The following EFCAB6 variants were observed in gnomAD, a reference collection of about 807,000 sequenced individuals.
EFCAB6 encodes the protein EF-hand calcium-binding domain-containing protein 6.
In EFCAB6, 156 loss-of-function variants were observed where a neutral mutation model predicts 169.8. The ratio of observed to expected loss-of-function variants is 0.92; its 90% CI spans 0.81 to 1.05. The LOEUF is 1.05. Ranked by LOEUF, EFCAB6 falls within the 50% of genes least tolerant of loss-of-function variation. EFCAB6 has a pLI of 0.00. For synonymous variants in EFCAB6, 698 were observed against 676.4 expected (o/e 1.03, Z -0.50); for missense variants, 1,800 against 1,829.1 (o/e 0.98, Z 0.29).
intron 20 of EFCAB6, among the ~76,000 whole-genome samples, chr22:43,622,222 T>G (rs60708343): frequency 0.015 from 2,232 of 152,304 alleles, 54 homozygotes; most frequent in African/African-American, 0.051. Context: ...TTCATGACTT[T>G]TATTATTCTT....
intron 11 of EFCAB6, among the ~76,000 whole-genome samples, chr22:43,686,476 A>G (rs1857069778): frequency 6.6e-6 from 1 of 152,186 alleles, no homozygotes; most frequent in South Asian, 2.1e-4. Context: ...AATTGTCCCC[A>G]TTTAAGAACC....
chr22:43,773,255 T>C, intron 3 of EFCAB6, 152 bp from the exon 4 acceptor site: 1 of 752,714 alleles, frequency 1.3e-6, no homozygotes, highest in Non-Finnish European at 2.1e-6. Flanking sequence ...AGATGACTTG[T>C]AATGAAAAAT....
intron 6 of EFCAB6, among the ~76,000 whole-genome samples, chr22:43,751,304 G>A (rs1000937924): frequency 2.0e-5 from 3 of 152,164 alleles, no homozygotes; most frequent in African/African-American, 7.2e-5. Context: ...GGCTTACAAT[G>A]AGCCCTCACC....
At chr22:43,575,589 A>G (rs2050199195) in intron 26 of EFCAB6, among the ~76,000 whole-genome samples, 1 of 152,154 alleles carries the variant, frequency 6.6e-6, no homozygotes, top group Non-Finnish European at 1.5e-5. Flanking sequence ...AAATAAGTGC[A>G]GATACAACAT....
rs376157648 is a variant in EFCAB6, at chr22:43,754,580, T to C, written c.507+1186A>G. Among the ~76,000 whole-genome samples, 4 of 152,258 alleles carry C rather than the reference T, an allele frequency of 2.6e-5. No individual in the cohort carries two copies. The East Asian group carries it at 5.8e-4, about 22-fold the overall frequency. On this transcript the variant is annotated intron_variant, in intron 6 of 31. Transcript: ENST00000262726. ...TTTCAACTCTTAGCAGGGGGTTCCA[T>C]GGGGAGGAGGATGGGATAAAAAATT...
intron 10 of EFCAB6, among the ~76,000 whole-genome samples, chr22:43,692,307 T>C (rs558536070): frequency 2.0e-5 from 3 of 152,112 alleles, no homozygotes; most frequent in Admixed American, 6.5e-5. Flanking sequence ...ATTTAGAGTC[T>C]CCACAATTTA....
In EFCAB6 at chr22:43,667,287, A is replaced by G; in HGVS notation, c.1815-15T>C. 6.2e-7 allele frequency: 1 copy of G among 1,612,576 alleles called. No homozygotes were observed. Among genetic ancestry groups the G allele is most frequent in the Non-Finnish European group, 8.5e-7 (1 of 1,179,160 alleles). ...TGAGCTTGGTTCTAAAATCACAAGC[A>G]GGCATTTAGACCCAGTGTCAACTGA... is the stretch of plus-strand genomic sequence containing the variant. On this transcript the variant is annotated splice_polypyrimidine_tract_variant and intron_variant, in intron 16 of 31. Transcript: ENST00000262726.
intron 31 of EFCAB6, 106 bp from the exon 32 acceptor site, chr22:43,529,081 C>A: frequency 7.7e-7 from 1 of 1,302,062 alleles, no homozygotes; most frequent in Non-Finnish European, 1.0e-6. Flanking sequence ...ATCCCCAACC[C>A]CACTTCCGAT....
intron 16 of EFCAB6, 105 bp from the exon 17 acceptor site, chr22:43,667,377 T>G (rs1375891164): frequency 1.4e-6 from 2 of 1,393,292 alleles, no homozygotes; most frequent in East Asian, 4.6e-5. Context: ...TAAGAAGGTT[T>G]CCCATCCTCG....
In EFCAB6 at chr22:43,687,521, C is replaced by T. The variant is rs775830491; in HGVS notation, c.1092G>A (p.Glu364=). Residue 364 remains glutamate (E), a synonymous_variant, in exon 11 of 32, where the codon GAG becomes GAA. Transcript: ENST00000262726. ...TACTGCTAACTTGCAACCCCTGAGG[C>T]TCATGAAATGATGTTAGAAATTGCT... ...NWKQFLTSFH[E]PQGLQVSSKG... is the part of the protein sequence containing the mutation. The T allele has an allele frequency of 6.2e-7, 1 of 1,601,020 alleles. No homozygotes were observed. Among genetic ancestry groups the T allele is most frequent in the Non-Finnish European group, 8.5e-7 (1 of 1,175,770 alleles).
chr22:43,634,791 A>C (rs957507489), intron 18 of EFCAB6, among the ~76,000 whole-genome samples: 11 of 152,186 alleles, frequency 7.2e-5, no homozygotes, highest in African/African-American at 2.4e-4. Flanking sequence ...GATAACCAGC[A>C]ACTACCTTAG....
intron 11 of EFCAB6, among the ~76,000 whole-genome samples, chr22:43,686,006 G>C (rs1219961732): frequency 1.3e-5 from 2 of 150,512 alleles, no homozygotes; most frequent in Non-Finnish European, 2.9e-5. Context: ...TTGAGATGAA[G>C]TTTTCCTCTT....
chr22:43,586,920 G>A (rs577937542), intron 24 of EFCAB6, among the ~76,000 whole-genome samples: 2 of 152,288 alleles, frequency 1.3e-5, no homozygotes, highest in East Asian at 3.9e-4. Flanking sequence ...GAAGGACTAG[G>A]AGTATGTGGA....
At chr22:43,808,055 C>T (rs1336620194) in intron 2 of EFCAB6, among the ~76,000 whole-genome samples, 3 of 152,290 alleles carry the variant, frequency 2.0e-5, no homozygotes, top group Middle Eastern at 3.4e-3. Flanking sequence ...TCCATGGGTT[C>T]CACATCCACA....
intron 27 of EFCAB6, chr22:43,554,629 T>G: frequency 1.9e-6 from 1 of 517,866 alleles, no homozygotes; most frequent in Non-Finnish European, 3.4e-6. Flanking sequence ...GAAGCGGAGT[T>G]GAATTTGATT....
chr22:43,717,346 C>T (rs374589040), intron 8 of EFCAB6, among the ~76,000 whole-genome samples: 1 of 144,260 alleles, frequency 6.9e-6, no homozygotes, highest in South Asian at 2.3e-4. Context: ...ATAAGTTTGA[C>T]AACATAAATA....
chr22:43,537,159 T>C lies in EFCAB6; in HGVS notation c.4048+218A>G. The stretch of plus-strand genomic sequence containing the variant: ...AGTTAGTGCAGCGCTGACTTTACCA[T>C]GCAGATGGGCCCCCTGCTGGGAGGG... On this transcript the variant is annotated intron_variant, in intron 29 of 31. Transcript: ENST00000262726. This position sits in a 1 kb window ranked among gnomAD's most constrained non-coding sequence, Gnocchi z 4.3. 1 of 512,542 alleles carries C rather than the reference T, an allele frequency of 2.0e-6. No homozygotes were observed. The highest frequency in any genetic ancestry group is 3.3e-5 in the South Asian group (1 of 30,428). The allele number at this position is 512,542 out of a possible 1,614,324, so 31.7% of individuals were successfully genotyped here. A position where few individuals can be genotyped will look rare whatever the true frequency, so the allele number is the denominator to read the frequency against.
intron 8 of EFCAB6, among the ~76,000 whole-genome samples, chr22:43,722,117 A>G (rs1336047255): frequency 2.0e-5 from 3 of 152,210 alleles, no homozygotes; most frequent in Non-Finnish European, 4.4e-5. Flanking sequence ...AGAAGAAGAC[A>G]TACACACGGC....
intron 11 of EFCAB6, among the ~76,000 whole-genome samples, chr22:43,686,567 A>G (rs10428054): frequency 0.019 from 2,893 of 152,324 alleles, 93 homozygotes; most frequent in African/African-American, 0.066. Flanking sequence ...GAAAATTAAA[A>G]AGAAACAGAA....
Sources: allele counts gnomAD v4.1 joint callset (sites outside exome capture counted in the v4.1 genomes callset), GRCh38; gene constraint gnomAD v4.1.1; non-coding constraint Gnocchi (gnomAD v3.1); transcripts MANE v1.5; gene names NCBI Gene and HGNC (gene_info 2026-07-23, HGNC 2026-07-21).